Variants in MIXL1 observed in about 807,000 individuals in gnomAD.
MIXL1 encodes the protein Mix paired-like homeobox.
MIXL1 carries 9 observed loss-of-function variants against 9.3 expected under a neutral mutation model. The observed-to-expected ratio is 0.97, with a 90% CI of 0.58 to 1.69. The LOEUF (loss-of-function observed/expected upper bound fraction) is 1.69. MIXL1 is among the 40% of genes most tolerant of loss of function. MIXL1 has a pLI of 0.00. For synonymous variants in MIXL1, 164 were observed against 155.6 expected (o/e 1.05, Z -0.40); for missense variants, 330 against 331.7 (o/e 0.99, Z 0.04).
chr1:226,225,063 G>T (rs1657127132), intron 1 of MIXL1, among the ~76,000 whole-genome samples: 2 of 152,134 alleles, frequency 1.3e-5, no homozygotes, highest in African/African-American at 4.8e-5. Flanking sequence ...TTTAAACACT[G>T]GGAGAGTGGA....
In MIXL1 at chr1:226,223,933, G is replaced by A. The variant is rs1576257734; in HGVS notation, c.252G>A (p.Ala84=). Residue 84 remains alanine, a synonymous_variant, in exon 1 of 2, where the codon GCG becomes GCA. Transcript: ENST00000366810. ...APPKGAAAPS[A]SQRRKRTSFS... is the part of the protein sequence containing the mutation. ...CCAAAGGCGCGGCCGCCCCGTCGGC[G>A]TCGCAGCGCCGCAAGCGCACGTCTT... 2.9e-6 allele frequency: 4 copies of A among 1,402,614 alleles called. No individual in the cohort carries two copies. Among genetic ancestry groups the A allele is most frequent in the Middle Eastern group, 1.8e-4 (1 of 5,420 alleles). The allele number at this position is 1,402,614 out of a possible 1,614,324, so 86.9% of individuals were successfully genotyped here. A position where few individuals can be genotyped will look rare whatever the true frequency, so the allele number is the denominator to read the frequency against.
In MIXL1 at chr1:226,223,913, G is replaced by A. The variant is rs1657083072; in HGVS notation, c.232G>A (p.Gly78Ser). 3 of 1,345,432 alleles carry A rather than the reference G, an allele frequency of 2.2e-6. No individual in the cohort carries two copies. Among genetic ancestry groups the A allele is most frequent in the Non-Finnish European group, 2.9e-6 (3 of 1,040,340 alleles). The allele number at this position is 1,345,432 out of a possible 1,614,324, so 83.3% of individuals were successfully genotyped here. ...CCTGGGCTCGCCTGCGCCCCCCAAAGGCGCGGCCGCCCCGTCGGCGTCGCA... is the reference window on the plus strand; with the variant it reads ...CCTGGGCTCGCCTGCGCCCCCCAAAAGCGCGGCCGCCCCGTCGGCGTCGCA... The part of the protein sequence containing the change: ...ASLGSPAPPK[G>S]AAAPSASQRR... The change falls in exon 1 of 2, where the codon GGC (glycine) becomes AGC (serine). Residue 78 changes from glycine (G) to serine (S), a missense_variant. Coordinates refer to ENST00000366810, the MANE Select transcript of MIXL1 (RefSeq NM_031944.3).
At chr1:226,224,742 T>A (rs577759331) in intron 1 of MIXL1, among the ~76,000 whole-genome samples, 1 of 152,112 alleles carries the variant, frequency 6.6e-6, no homozygotes, top group Non-Finnish European at 1.5e-5. Context: ...CAGGTTCAAG[T>A]GATTCTCCTG....
intron 1 of MIXL1, among the ~76,000 whole-genome samples, chr1:226,224,325 A>G (rs1282732555): frequency 6.6e-6 from 1 of 152,196 alleles, no homozygotes; most frequent in Non-Finnish European, 1.5e-5. Context: ...AAGGGCTCCT[A>G]GGAGGCTAGC....
rs1385411136 is a variant in MIXL1 at position 226,226,468 on chromosome 1, C to G, written c.*656C>G. The G allele has an allele frequency of 1.3e-5, 2 of 152,106 alleles. No homozygotes were observed. Among genetic ancestry groups the G allele is most frequent in the Non-Finnish European group, 2.9e-5 (2 of 68,086 alleles). 9.4% of individuals were successfully genotyped at this position (152,106 alleles called of 1,614,324 possible). A position where few individuals can be genotyped will look rare whatever the true frequency, so the allele number is the denominator to read the frequency against. ...GCCGAGTGGGTGGATCACCTGAAGTCAGGAGTTCAAGACCAGCCTGGCCAA... is the reference window on the plus strand; with the variant it reads ...GCCGAGTGGGTGGATCACCTGAAGTGAGGAGTTCAAGACCAGCCTGGCCAA... On this transcript the variant is annotated 3_prime_UTR_variant, in exon 2 of 2. Transcript: ENST00000366810.
chr1:226,225,997 C>T lies in MIXL1; in HGVS notation c.*185C>T, dbSNP rs1400440347. On this transcript the variant is annotated 3_prime_UTR_variant, in exon 2 of 2. Transcript: ENST00000366810. ...GCCACTTTGTCAATGACGTTTTAAG[C>T]CCACACTCCCACCCCAGAGTTCCCG... 6.7e-6 allele frequency: 4 copies of T among 600,272 alleles called. No homozygotes were observed. The highest frequency in any genetic ancestry group is 1.2e-5 in the Non-Finnish European group (4 of 340,446). The allele number at this position is 600,272 out of a possible 1,614,324, so 37.2% of individuals were successfully genotyped here. A position where few individuals can be genotyped will look rare whatever the true frequency, so the allele number is the denominator to read the frequency against.
intron 1 of MIXL1, among the ~76,000 whole-genome samples, chr1:226,224,384 G>T (rs1657104882): frequency 6.6e-6 from 1 of 152,196 alleles, no homozygotes; most frequent in Admixed American, 6.5e-5. Context: ...AAGATAAGAA[G>T]TTTTACACTT....
Position 226,226,012 on chromosome 1 carries a change from C to T in MIXL1, c.*200C>T, listed in dbSNP as rs1359751668. The stretch of plus-strand genomic sequence containing the variant: ...ACGTTTTAAGCCCACACTCCCACCC[C>T]AGAGTTCCCGCATTCGTTTTTACCT... On this transcript the variant is annotated 3_prime_UTR_variant, in exon 2 of 2. Transcript: ENST00000366810. 2 of 573,584 alleles carry T rather than the reference C, an allele frequency of 3.5e-6. No individual in the cohort carries two copies. Among genetic ancestry groups the T allele is most frequent in the Admixed American group, 3.1e-5 (1 of 32,238 alleles). 35.5% of individuals were successfully genotyped at this position (573,584 alleles called of 1,614,324 possible).
chr1:226,224,113 G>C, intron 1 of MIXL1, 39 bp downstream of exon 1: 1 of 1,260,656 alleles, frequency 7.9e-7, no homozygotes, highest in Non-Finnish European at 1.0e-6. Flanking sequence ...CGCTGGAGCG[G>C]AGGCGCTGCG....
At position 226,223,944 on chromosome 1, in the gene MIXL1, G is replaced by T. The variant is rs1430548628; in HGVS notation, c.263G>T (p.Arg88Leu). Reference sequence around the variant, plus strand: ...GCCGCCCCGTCGGCGTCGCAGCGCCGCAAGCGCACGTCTTTCAGCGCCGAA... The same window carrying T: ...GCCGCCCCGTCGGCGTCGCAGCGCCTCAAGCGCACGTCTTTCAGCGCCGAA... The part of the protein sequence containing the change: ...GAAAPSASQR[R>L]KRTSFSAEQL... The change falls in exon 1 of 2, where the codon CGC becomes CTC. Residue 88 changes from arginine (R) to leucine (L), a missense_variant. Arg to Leu is a moderately radical substitution (Grantham distance 102). Transcript: ENST00000366810. 7.0e-7 allele frequency: 1 copy of T among 1,427,360 alleles called. No homozygotes were observed. Among genetic ancestry groups the T allele is most frequent in the Non-Finnish European group, 9.3e-7 (1 of 1,080,212 alleles). The allele number at this position is 1,427,360 out of a possible 1,614,324, so 88.4% of individuals were successfully genotyped here. A position where few individuals can be genotyped will look rare whatever the true frequency, so the allele number is the denominator to read the frequency against.
Position 226,227,029 on chromosome 1 carries a change from GGATT to G in MIXL1, c.*1218_*1221del, listed in dbSNP as rs1351781738. 5.3e-5 allele frequency: 8 copies of G among 152,096 alleles called. No individual in the cohort carries two copies. Among genetic ancestry groups the G allele is most frequent in the African/African-American group, 1.4e-4 (6 of 41,410 alleles). 9.4% of individuals were successfully genotyped at this position (152,096 alleles called of 1,614,324 possible). ...ATTGTACTTCCTGTGCAAGTTTTGT[GGATT>G]ATTAAATGTCTTTCACAAATGTTCC... On this transcript the variant is annotated 3_prime_UTR_variant, in exon 2 of 2. Transcript: ENST00000366810.
Position 226,224,029 on chromosome 1 carries a change from C to A in MIXL1, c.348C>A (p.Arg116=), listed in dbSNP as rs1047946328. ...CCCGGTACCCCGACATCCACTTGCG[C>A]GAGCGCCTGGCCGCGCTCACCCTGC... ...RRTRYPDIHL[R]ERLAALTLLP... is the part of the protein sequence containing the mutation. The change falls in exon 1 of 2, where the codon CGC becomes CGA. Residue 116 remains arginine (R), a synonymous_variant. Coordinates refer to ENST00000366810, the MANE Select transcript of MIXL1 (RefSeq NM_031944.3). 3 of 1,415,240 alleles carry A rather than the reference C, an allele frequency of 2.1e-6. No individual in the cohort carries two copies. The highest frequency in any genetic ancestry group is 2.8e-6 in the Non-Finnish European group (3 of 1,071,964). The allele number at this position is 1,415,240 out of a possible 1,614,324, so 87.7% of individuals were successfully genotyped here.
chr1:226,224,011 C>T lies in MIXL1; in HGVS notation c.330C>T (p.Tyr110=). 7.0e-7 allele frequency: 1 copy of T among 1,437,198 alleles called. No homozygotes were observed. The highest frequency in any genetic ancestry group is 9.2e-7 in the Non-Finnish European group (1 of 1,082,288). The allele number at this position is 1,437,198 out of a possible 1,614,324, so 89.0% of individuals were successfully genotyped here. ...AGCTCGTCTTCCGCCGGACCCGGTA[C>T]CCCGACATCCACTTGCGCGAGCGCC... The part of the protein sequence containing the change: ...LLELVFRRTR[Y]PDIHLRERLA... The change falls in exon 1 of 2, where the codon TAC becomes TAT. Residue 110 remains tyrosine (Y), a synonymous_variant. Transcript: ENST00000366810.
rs1657081707 is a variant in MIXL1 at position 226,223,883 on chromosome 1, G to A, written c.202G>A (p.Ala68Thr). The A allele has an allele frequency of 6.5e-6, 8 of 1,226,236 alleles. No homozygotes were observed. The highest frequency in any genetic ancestry group is 8.1e-6 in the Non-Finnish European group (8 of 984,490). The allele number at this position is 1,226,236 out of a possible 1,614,324, so 76.0% of individuals were successfully genotyped here. Residue 68 changes from alanine to threonine, a missense_variant, in exon 1 of 2, where the codon GCC becomes ACC. Transcript: ENST00000366810. ...RDPGPAPPPPASLGSPAPPKG... is the reference protein window; with the variant it reads ...RDPGPAPPPPTSLGSPAPPKG... ...CCCCGGGCCGGCCCCGCCGCCCCCC[G>A]CCAGCCTGGGCTCGCCTGCGCCCCC... is the stretch of plus-strand genomic sequence containing the variant.
chr1:226,225,769 A>C lies in MIXL1; in HGVS notation c.656A>C (p.Asp219Ala). 1 of 1,613,998 alleles carries C rather than the reference A, an allele frequency of 6.2e-7. No homozygotes were observed. The highest frequency in any genetic ancestry group is 8.5e-7 in the Non-Finnish European group (1 of 1,179,954). ...PLSEDIGSKL[D>A]SWEEHIFSAF... ...TCTGAAGACATTGGTTCAAAGCTGG[A>C]CTCATGGGAGGAACACATCTTTTCT... The change falls in exon 2 of 2, where the codon GAC (aspartate) becomes GCC (alanine). Residue 219 changes from aspartate to alanine, a missense_variant. Transcript: ENST00000366810.
chr1:226,223,964 G>C lies in MIXL1; in HGVS notation c.283G>C (p.Ala95Pro). The C allele has an allele frequency of 6.9e-7, 1 of 1,447,606 alleles. No individual in the cohort carries two copies. The highest frequency in any genetic ancestry group is 1.4e-5 in the African/African-American group (1 of 69,834). The allele number at this position is 1,447,606 out of a possible 1,614,324, so 89.7% of individuals were successfully genotyped here. A position where few individuals can be genotyped will look rare whatever the true frequency, so the allele number is the denominator to read the frequency against. ...SQRRKRTSFS[A>P]EQLQLLELVF... ...GCGCCGCAAGCGCACGTCTTTCAGCGCCGAACAGCTGCAGCTGCTGGAGCT... is the reference window on the plus strand; with the variant it reads ...GCGCCGCAAGCGCACGTCTTTCAGCCCCGAACAGCTGCAGCTGCTGGAGCT... The change falls in exon 1 of 2, where the codon GCC (alanine) becomes CCC (proline). Residue 95 changes from alanine to proline, a missense_variant. Coordinates refer to ENST00000366810, the MANE Select transcript of MIXL1 (RefSeq NM_031944.3).
chr1:226,225,425 A>C (rs1400804282), intron 1 of MIXL1, 82 bp from the exon 2 acceptor site: 2 of 1,485,878 alleles, frequency 1.3e-6, no homozygotes, highest in East Asian at 4.5e-5. Flanking sequence ...TTAAACTGGA[A>C]CTTACCAGTA....
chr1:226,225,865 GGA>G lies in MIXL1; in HGVS notation c.*58_*59del. The G allele has an allele frequency of 1.4e-6, 2 of 1,412,826 alleles. No individual in the cohort carries two copies. Among genetic ancestry groups the G allele is most frequent in the South Asian group, 1.3e-5 (1 of 77,740 alleles). The allele number at this position is 1,412,826 out of a possible 1,614,324, so 87.5% of individuals were successfully genotyped here. A position where few individuals can be genotyped will look rare whatever the true frequency, so the allele number is the denominator to read the frequency against. ...CTGAGGAGCCATGACTGACAGCCTG[GGA>G]GAGACACATCAGCATACTGTCCTTT... On this transcript the variant is annotated 3_prime_UTR_variant, in exon 2 of 2. Coordinates refer to ENST00000366810, the MANE Select transcript of MIXL1 (RefSeq NM_031944.3).
rs753647789 is a variant in MIXL1, at chr1:226,223,991, G to A, written c.310G>A (p.Val104Ile). 22 of 1,449,996 alleles carry A rather than the reference G, an allele frequency of 1.5e-5. No homozygotes were observed. The highest frequency in any genetic ancestry group is 1.9e-5 in the Non-Finnish European group (21 of 1,090,120). The allele number at this position is 1,449,996 out of a possible 1,614,324, so 89.8% of individuals were successfully genotyped here. A position where few individuals can be genotyped will look rare whatever the true frequency, so the allele number is the denominator to read the frequency against. ...CGAACAGCTGCAGCTGCTGGAGCTC[G>A]TCTTCCGCCGGACCCGGTACCCCGA... ...SAEQLQLLELVFRRTRYPDIH... is the reference protein window; with the variant it reads ...SAEQLQLLELIFRRTRYPDIH... The change falls in exon 1 of 2, where the codon GTC (valine) becomes ATC (isoleucine). Residue 104 changes from valine to isoleucine, a missense_variant. Transcript: ENST00000366810.
Sources: gnomAD v4.1 joint callset for allele counts (sites outside exome capture counted in the v4.1 genomes callset) on GRCh38, gnomAD v4.1.1 for gene constraint, MANE v1.5 for transcripts, NCBI Gene and HGNC (gene_info 2026-07-23, HGNC 2026-07-21) for gene names.